The following DOT1L variants were observed in gnomAD, a reference collection of about 807,000 sequenced individuals.
DOT1L encodes histone-lysine N-methyltransferase, H3 lysine-79 specific.
In DOT1L, 33 loss-of-function variants were observed where a neutral mutation model predicts 153.3. The observed-to-expected ratio is 0.22, with a 90% CI of 0.16 to 0.29. DOT1L has a LOEUF of 0.29. Among genes scored for constraint, DOT1L ranks in the 10% least tolerant of loss-of-function variants. The pLI is 1.00. For missense variants in DOT1L, 1,847 were observed against 2,119.9 expected, an observed-to-expected ratio of 0.87 and a Z score of 2.53; for synonymous variants, 1,135 against 965.1, an observed-to-expected ratio of 1.18 and a Z score of -3.26.
chr19:2,200,329 G>A (rs2023200293), intron 8 of DOT1L, among the ~76,000 whole-genome samples: 1 of 151,320 alleles, frequency 6.6e-6, no homozygotes, highest in Non-Finnish European at 1.5e-5. Context: ...CACTATGAGG[G>A]CTGCTCGAGG....
chr19:2,193,911 C>T lies in DOT1L; in HGVS notation c.588+128C>T, dbSNP rs529508445. ...GGTGGCGTTCTTTCCAGGCCCAAGACGTCTTGGTTGCCTGCAGCGTGTGCC... is the reference window on the plus strand; with the variant it reads ...GGTGGCGTTCTTTCCAGGCCCAAGATGTCTTGGTTGCCTGCAGCGTGTGCC... On this transcript the variant is annotated intron_variant, in intron 6 of 27. Transcript: ENST00000398665. The surrounding 1 kb of genome is among the most constrained non-coding windows in gnomAD (Gnocchi z 5.9). 135 of 975,804 alleles carry T rather than the reference C, an allele frequency of 1.4e-4. No individual in the cohort carries two copies. Among genetic ancestry groups the T allele is most frequent in the African/African-American group, 2.6e-4 (16 of 61,994 alleles). 60.4% of individuals were successfully genotyped at this position (975,804 alleles called of 1,614,324 possible).
chr19:2,223,182 C>G, intron 24 of DOT1L, 99 bp from the exon 25 acceptor site: 1 of 1,349,740 alleles, frequency 7.4e-7, no homozygotes, highest in Non-Finnish European at 1.0e-6. Flanking sequence ...CTCAGGAGAC[C>G]CTGGGGTGCA....
chr19:2,205,889 G>A (rs1189382143), intron 9 of DOT1L, among the ~76,000 whole-genome samples: 3 of 151,632 alleles, frequency 2.0e-5, no homozygotes, highest in Non-Finnish European at 2.9e-5. Flanking sequence ...TGTAGAGATG[G>A]GGTCTCCCTG....
chr19:2,202,896 T>C (rs2023346231), intron 9 of DOT1L, 117 bp downstream of exon 9: 1 of 937,546 alleles, frequency 1.1e-6, no homozygotes, highest in African/African-American at 1.6e-5. Flanking sequence ...TTCAGTCCCC[T>C]TGGAGCCAGG....
intron 1 of DOT1L, among the ~76,000 whole-genome samples, chr19:2,166,981 G>A (rs1172722899): frequency 6.6e-6 from 1 of 152,170 alleles, no homozygotes; most frequent in Non-Finnish European, 1.5e-5. Flanking sequence ...CTTTGGTCCT[G>A]GTGGCTTTCA....
chr19:2,231,136 T>C lies in DOT1L; in HGVS notation c.*1344T>C, dbSNP rs2024578493. On this transcript the variant is annotated 3_prime_UTR_variant, in exon 28 of 28. Coordinates refer to ENST00000398665, the MANE Select transcript of DOT1L (RefSeq NM_032482.3). ...GAGCCCTGAGCAGTCAGGGCCTGGG[T>C]TGTCTGAGCAGTGGTGGCTCTGTGC... The C allele has an allele frequency of 8.8e-6, 2 of 228,420 alleles. No individual in the cohort carries two copies. Among genetic ancestry groups the C allele is most frequent in the Non-Finnish European group, 1.7e-5 (2 of 115,130 alleles). 14.1% of individuals were successfully genotyped at this position (228,420 alleles called of 1,614,324 possible).
intron 27 of DOT1L, chr19:2,227,354 T>G: frequency 1.4e-6 from 1 of 735,928 alleles, no homozygotes; most frequent in Non-Finnish European, 2.5e-6. Context: ...GCGTCCCTCT[T>G]GTTTTCAGAA....
chr19:2,209,304 T>C (rs145377502), intron 12 of DOT1L, among the ~76,000 whole-genome samples: 56 of 152,334 alleles, frequency 3.7e-4, no homozygotes, highest in African/African-American at 1.2e-3. Context: ...TTTGCCTGTC[T>C]TCATGCTTTG....
Position 2,191,416 on chromosome 19 carries a change from C to T in DOT1L, c.493+176C>T, listed in dbSNP as rs2022787830. The T allele has an allele frequency of 1.5e-6, 1 of 669,992 alleles. No individual in the cohort carries two copies. The highest frequency in any genetic ancestry group is 2.5e-6 in the Non-Finnish European group (1 of 394,162). 41.5% of individuals were successfully genotyped at this position (669,992 alleles called of 1,614,324 possible). ...GGGCCGTTCCTTTCCCCAGCCCTGA[C>T]CGGGCTCCACCCAGAGGGGAGAAAT... On this transcript the variant is annotated intron_variant, in intron 5 of 27. Coordinates refer to ENST00000398665, the MANE Select transcript of DOT1L (RefSeq NM_032482.3). The surrounding 1 kb of genome is among the most constrained non-coding windows in gnomAD (Gnocchi z 6.8).
intron 18 of DOT1L, chr19:2,214,253 C>A: frequency 1.1e-6 from 1 of 879,138 alleles, no homozygotes; most frequent in Non-Finnish European, 1.7e-6. Context: ...GAGCATCCCA[C>A]CATCGTGGTG....
chr19:2,228,553 G>A, intron 27 of DOT1L: 1 of 985,410 alleles, frequency 1.0e-6, no homozygotes, highest in Non-Finnish European at 1.2e-6. Flanking sequence ...TACAGGACGG[G>A]CACCAGCCAT....
At chr19:2,215,991 T>G in intron 19 of DOT1L, 1 of 365,172 alleles carries the variant, frequency 2.7e-6, no homozygotes, top group South Asian at 5.1e-5. Context: ...ACTGGATGTT[T>G]TACACTTAGA....
At chr19:2,214,410 G>A (rs912955141) in intron 18 of DOT1L, 61 bp from the exon 19 acceptor site, 16 of 1,591,434 alleles carry the variant, frequency 1.0e-5, no homozygotes, top group African/African-American at 1.3e-5. Context: ...TGCCCTGAGA[G>A]TGTGGGGTGT....
At chr19:2,164,537 G>A (rs1299575914) in intron 1 of DOT1L, 1 of 285,506 alleles carries the variant, frequency 3.5e-6, no homozygotes, top group East Asian at 5.5e-5. Flanking sequence ...GGGCTGTCCC[G>A]GGCGCGGAAC....
intron 5 of DOT1L, among the ~76,000 whole-genome samples, chr19:2,192,321 C>T (rs1182407843): frequency 3.3e-5 from 5 of 152,168 alleles, no homozygotes; most frequent in Admixed American, 6.5e-5. Context: ...AGCAAGATCC[C>T]ACTTCTGTTT....
chr19:2,185,027 T>TG (rs2022426994), intron 2 of DOT1L, among the ~76,000 whole-genome samples: 1 of 152,136 alleles, frequency 6.6e-6, no homozygotes. Flanking sequence ...GTAGGTTTAG[T>TG]GTTTGTCTTG....
intron 1 of DOT1L, among the ~76,000 whole-genome samples, chr19:2,165,094 G>C (rs974145190): frequency 2.6e-5 from 4 of 152,204 alleles, no homozygotes; most frequent in African/African-American, 9.7e-5. Flanking sequence ...TGCGAGTCCC[G>C]GCGTGGCCCC....
At chr19:2,166,260 C>T (rs1249207716) in intron 1 of DOT1L, among the ~76,000 whole-genome samples, 1 of 150,198 alleles carries the variant, frequency 6.7e-6, no homozygotes, top group East Asian at 2.0e-4. Context: ...CCACACCCTG[C>T]TAATTTTGTA....
rs749118251 is a variant in DOT1L, at chr19:2,226,628, C to T, written c.4107C>T (p.Ser1369=). 3.1e-6 allele frequency: 5 copies of T among 1,593,416 alleles called. No homozygotes were observed. Among genetic ancestry groups the T allele is most frequent in the Non-Finnish European group, 1.7e-6 (2 of 1,174,070 alleles). The change falls in exon 27 of 28, where the codon AGC becomes AGT. Residue 1369 remains serine, a synonymous_variant. Transcript: ENST00000398665. ...KEGSDANPFL[S]KRQLDGLAGL... ...GCTCGGACGCCAACCCTTTCCTGAG[C>T]AAGAGGCAGCTGGACGGCCTGGCTG...
Sources: allele counts gnomAD v4.1 joint callset (sites outside exome capture counted in the v4.1 genomes callset), GRCh38; gene constraint gnomAD v4.1.1; non-coding constraint Gnocchi (gnomAD v3.1); transcripts MANE v1.5; gene names NCBI Gene and HGNC (gene_info 2026-07-23, HGNC 2026-07-21).